ASIC2: variants seen among roughly 807,000 people sequenced by gnomAD.
ASIC2 encodes the protein acid-sensing ion channel 2.
Under a neutral mutation model 57.3 loss-of-function variants are expected in ASIC2, and 25 were observed. That is an observed-to-expected ratio of 0.44 (90% confidence interval 0.32 to 0.61). The LOEUF is 0.61. ASIC2 is among the 20% of genes least tolerant of loss of function. ASIC2 has a pLI of 0.06. For missense variants in ASIC2, 641 were observed against 738.1 expected (o/e 0.87, Z 1.52); for synonymous variants, 319 against 307.5 (o/e 1.04, Z -0.39).
intron 1 of ASIC2, among the ~76,000 whole-genome samples, chr17:33,451,347 G>A (rs1410717807): frequency 2.0e-5 from 3 of 152,056 alleles, no homozygotes; most frequent in African/African-American, 7.2e-5. Flanking sequence ...ATGAGCTACC[G>A]TACCCGGCTG....
intron 1 of ASIC2, among the ~76,000 whole-genome samples, chr17:33,613,184 A>G (rs139601592): frequency 1.3e-5 from 2 of 152,308 alleles, no homozygotes; most frequent in African/African-American, 4.8e-5. Context: ...GATTTCCCGG[A>G]TAACCCCTGC....
At chr17:34,025,190 C>A (rs545582102) in intron 1 of ASIC2, among the ~76,000 whole-genome samples, 1 of 152,332 alleles carries the variant, frequency 6.6e-6, no homozygotes, top group South Asian at 2.1e-4. Context: ...TCCTTCTGAG[C>A]CCCTGAGTCT....
intron 8 of ASIC2, 101 bp from the exon 9 acceptor site, chr17:33,016,140 G>A (rs1567717127): frequency 7.0e-6 from 8 of 1,138,778 alleles, no homozygotes; most frequent in Non-Finnish European, 1.0e-5. Flanking sequence ...AGCTGCTTGG[G>A]CTGTGGCTGA....
intron 1 of ASIC2, among the ~76,000 whole-genome samples, chr17:33,175,848 G>A (rs758134070): frequency 1.3e-5 from 2 of 151,940 alleles, no homozygotes; most frequent in African/African-American, 2.4e-5. Context: ...TCCACCTTGC[G>A]GCCAAGATCA....
At chr17:33,230,353 T>A (rs543681424) in intron 1 of ASIC2, among the ~76,000 whole-genome samples, 1 of 152,364 alleles carries the variant, frequency 6.6e-6, no homozygotes, top group African/African-American at 2.4e-5. Flanking sequence ...CAGAAGCCAA[T>A]GCTCAGTGAC....
At chr17:33,198,621 TCACCTTCAGCCTGTGTAG>T (rs1906733341) in intron 1 of ASIC2, among the ~76,000 whole-genome samples, 1 of 152,180 alleles carries the variant, frequency 6.6e-6, no homozygotes, top group Non-Finnish European at 1.5e-5. Context: ...CCTTTTGAGG[TCACCTTCAGCCTGTGTAG>T]CACCCCCAGC....
Position 33,203,801 on chromosome 17 carries a change from C to T in ASIC2, c.708+87607G>A, listed in dbSNP as rs139741843. ...GGCTGCGGGTGGCTTGCCACTCTCT[C>T]TCTGAGTATGTGGGGCAGGCCAGTG... On this transcript the variant is annotated intron_variant, in intron 1 of 9. Coordinates refer to ENST00000225823, the MANE Select transcript of ASIC2 (RefSeq NM_183377.2). Among the ~76,000 whole-genome samples, 325 of 152,338 alleles carry T rather than the reference C, an allele frequency of 2.1e-3. 2 individuals are homozygous for T. Among genetic ancestry groups the T allele is most frequent in the African/African-American group, 7.6e-3 (314 of 41,580 alleles).
intron 1 of ASIC2, among the ~76,000 whole-genome samples, chr17:33,417,495 C>T (rs529152657): frequency 7.2e-5 from 11 of 152,320 alleles, no homozygotes; most frequent in African/African-American, 2.6e-4. Context: ...CTCCTTAATG[C>T]CTTTCGGTAA....
chr17:34,129,721 TG>T (rs1187320994), intron 1 of ASIC2, among the ~76,000 whole-genome samples: 1 of 152,224 alleles, frequency 6.6e-6, no homozygotes. Context: ...CAAGCTTCTT[TG>T]TCTACAGAAG....
intron 1 of ASIC2, among the ~76,000 whole-genome samples, chr17:33,857,178 C>T (rs141936843): frequency 1.7e-4 from 26 of 152,298 alleles, no homozygotes; most frequent in East Asian, 9.6e-4. Flanking sequence ...CCCATGCCCT[C>T]GGCCCCTTTC....
At chr17:33,579,792 A>C (rs572595889) in intron 1 of ASIC2, among the ~76,000 whole-genome samples, 1 of 152,112 alleles carries the variant, frequency 6.6e-6, no homozygotes, top group Non-Finnish European at 1.5e-5. Flanking sequence ...AAACTACCAC[A>C]CCGTGAAAAA....
chr17:33,182,925 A>G (rs1906046013), intron 1 of ASIC2, among the ~76,000 whole-genome samples: 2 of 152,190 alleles, frequency 1.3e-5, no homozygotes, highest in East Asian at 1.9e-4. Context: ...AAAAGAGAAT[A>G]ATGTTCCATA....
chr17:33,464,528 C>CTT (rs1349568507), intron 1 of ASIC2, among the ~76,000 whole-genome samples: 1 of 35,894 alleles, frequency 2.8e-5, no homozygotes, highest in Admixed American at 2.4e-4. Flanking sequence ...TTCTTTCTTT[C>CTT]TTTCTTTCTT....
At chr17:33,326,778 A>T (rs546439547) in intron 1 of ASIC2, among the ~76,000 whole-genome samples, 1 of 152,168 alleles carries the variant, frequency 6.6e-6, no homozygotes, top group African/African-American at 2.4e-5. Flanking sequence ...CCTTGTCCCC[A>T]TTTCCAAAGT....
chr17:33,939,829 T>C (rs529148636), intron 1 of ASIC2, among the ~76,000 whole-genome samples: 20 of 152,330 alleles, frequency 1.3e-4, no homozygotes, highest in Admixed American at 2.6e-4. Context: ...TTTCTGTCCC[T>C]GCTGCAGTAG....
At chr17:33,825,600 T>C (rs1384819274) in intron 1 of ASIC2, among the ~76,000 whole-genome samples, 2 of 152,210 alleles carry the variant, frequency 1.3e-5, no homozygotes, top group Non-Finnish European at 2.9e-5. Context: ...AGGATCTCCA[T>C]CTTGCTATGT....
intron 1 of ASIC2, among the ~76,000 whole-genome samples, chr17:34,090,047 T>C (rs1006153136): frequency 1.3e-5 from 2 of 152,178 alleles, no homozygotes; most frequent in Admixed American, 1.3e-4. Flanking sequence ...CACAGTCTGA[T>C]GGAAGCTTCA....
At chr17:33,128,259 G>A (rs1448005524) in intron 1 of ASIC2, among the ~76,000 whole-genome samples, 1 of 152,150 alleles carries the variant, frequency 6.6e-6, no homozygotes, top group Non-Finnish European at 1.5e-5. Flanking sequence ...TCAAATCTCA[G>A]CTGGCTCTTC....
At chr17:33,112,506 G>A (rs571256760) in intron 1 of ASIC2, among the ~76,000 whole-genome samples, 4 of 152,144 alleles carry the variant, frequency 2.6e-5, no homozygotes, top group Admixed American at 1.3e-4. Context: ...CACTCAGCTT[G>A]TCCAGAGGGA....
Sources: gnomAD v4.1 joint callset for allele counts (sites outside exome capture counted in the v4.1 genomes callset) on GRCh38, gnomAD v4.1.1 for gene constraint, MANE v1.5 for transcripts, NCBI Gene and HGNC (gene_info 2026-07-23, HGNC 2026-07-21) for gene names.